The following TNRC6B variants were observed in gnomAD, a reference collection of about 807,000 sequenced individuals.
The protein encoded by TNRC6B is trinucleotide repeat containing adaptor 6B, also known as trinucleotide repeat-containing gene 6B protein.
A neutral mutation model predicts 203.6 loss-of-function variants in TNRC6B; 52 were observed. That is an observed-to-expected ratio of 0.26 (90% CI 0.20 to 0.32). The LOEUF (loss-of-function observed/expected upper bound fraction) is 0.32, where lower values mean the gene tolerates loss of function less well. Ranked by LOEUF, TNRC6B falls within the 10% of genes least tolerant of loss-of-function variation. The pLI, the probability that TNRC6B is intolerant of heterozygous loss-of-function variation, is 1.00. For synonymous variants in TNRC6B, 838 were observed against 845.7 expected (o/e 0.99, Z 0.16); for missense variants, 1,923 against 2,286.2 (o/e 0.84, Z 3.24).
At chr22:40,322,726 A>C (rs1004954351) in intron 22 of TNRC6B, 128 bp from the exon 23 acceptor site, 10 of 1,119,554 alleles carry the variant, frequency 8.9e-6, no homozygotes, top group African/African-American at 3.1e-5. Flanking sequence ...CATTCTAAAA[A>C]GCGTTCATGG....
At chr22:40,230,779 A>G (rs2069859434) in intron 1 of TNRC6B, among the ~76,000 whole-genome samples, 2 of 151,994 alleles carry the variant, frequency 1.3e-5, no homozygotes, top group South Asian at 4.1e-4. Flanking sequence ...TTTATGAATC[A>G]TGTTTTTTGG....
rs2146579040 is a variant in TNRC6B at position 40,321,026 on chromosome 22, T to C, written c.4975-64T>C. On this transcript the variant is annotated intron_variant, in intron 21 of 22. Coordinates refer to ENST00000454349, the MANE Select transcript of TNRC6B (RefSeq NM_001162501.2). ...TAGGTCTCAGCCAGTGCTTTGAATA[T>C]CTTAAAATGTACCTTTTCCACCCCA... The C allele has an allele frequency of 3.1e-6, 5 of 1,591,466 alleles. No homozygotes were observed. The Middle Eastern group carries it at 5.0e-4, about 159-fold the overall frequency.
At chr22:40,224,863 A>T (rs1265620773) in intron 1 of TNRC6B, among the ~76,000 whole-genome samples, 9 of 152,194 alleles carry the variant, frequency 5.9e-5, no homozygotes, top group Non-Finnish European at 1.0e-4. Context: ...CGTGTGCCTC[A>T]TCCCTCTGTT....
chr22:40,063,362 C>A (rs920005828), intron 1 of TNRC6B, among the ~76,000 whole-genome samples: 1 of 152,166 alleles, frequency 6.6e-6, no homozygotes, highest in African/African-American at 2.4e-5. Flanking sequence ...TTTGAGTCCT[C>A]CAACTTTGTT....
intron 1 of TNRC6B, among the ~76,000 whole-genome samples, chr22:40,188,331 G>A (rs1446175092): frequency 6.6e-6 from 1 of 152,204 alleles, no homozygotes; most frequent in African/African-American, 2.4e-5. Context: ...AGTTGACATA[G>A]AGAAGCTTAT....
chr22:40,052,015 A>G (rs2067749947), intron 1 of TNRC6B, among the ~76,000 whole-genome samples: 1 of 152,152 alleles, frequency 6.6e-6, no homozygotes, highest in African/African-American at 2.4e-5. Context: ...GTTGGACAGC[A>G]CAACTCTAAA....
intron 1 of TNRC6B, among the ~76,000 whole-genome samples, chr22:40,223,987 C>T (rs982477131): frequency 6.6e-6 from 1 of 152,086 alleles, no homozygotes; most frequent in Admixed American, 6.6e-5. Context: ...AAAGCGGTAT[C>T]TTGGTGTACT....
chr22:40,261,921 A>C lies in TNRC6B; in HGVS notation c.205A>C (p.Asn69His). ...SPSPPVNGGN[N>H]AKRVAVPNGQ... The stretch of plus-strand genomic sequence containing the variant: ...ATCGCCACCAGTCAATGGTGGCAAC[A>C]ATGCCAAAAGGGTGGCAGTGCCGAA... The change falls in exon 4 of 23, where the codon AAT (asparagine) becomes CAT (histidine). Residue 69 changes from asparagine to histidine, a missense_variant. Around this residue, in one of 8 missense-constraint regions of TNRC6B, gnomAD observed 111 missense variants for 155.3 expected, o/e 0.71. Transcript: ENST00000454349. The C allele has an allele frequency of 1.2e-6, 2 of 1,611,298 alleles. No individual in the cohort carries two copies. Among genetic ancestry groups the C allele is most frequent in the South Asian group, 2.2e-5 (2 of 91,036 alleles).
At chr22:40,200,278 CTTTTTTTT>C (rs59067007) in intron 1 of TNRC6B, among the ~76,000 whole-genome samples, 4 of 75,510 alleles carry the variant, frequency 5.3e-5, no homozygotes, top group African/African-American at 1.6e-4. Context: ...AAGTAATATT[CTTTTTTTT>C]TTTTTTTTTT....
rs1469494416 is a variant in TNRC6B at position 40,325,399 on chromosome 22, C to G, written c.*2158C>G. The G allele has an allele frequency of 6.6e-6, 1 of 152,564 alleles. No homozygotes were observed. Among genetic ancestry groups the G allele is most frequent in the Non-Finnish European group, 1.5e-5 (1 of 68,036 alleles). The allele number at this position is 152,564 out of a possible 1,614,324, so 9.5% of individuals were successfully genotyped here. A position where few individuals can be genotyped will look rare whatever the true frequency, so the allele number is the denominator to read the frequency against. On this transcript the variant is annotated 3_prime_UTR_variant, in exon 23 of 23. Coordinates refer to ENST00000454349, the MANE Select transcript of TNRC6B (RefSeq NM_001162501.2). ...AAATTCTGTAGCCCTTCTGGCTTACCCTGTTGATTATAAACCTAGCCTCAA... is the reference window on the plus strand; with the variant it reads ...AAATTCTGTAGCCCTTCTGGCTTACGCTGTTGATTATAAACCTAGCCTCAA...
At chr22:40,300,382 C>T in intron 12 of TNRC6B, 73 bp from the exon 13 acceptor site, 1 of 1,389,380 alleles carries the variant, frequency 7.2e-7, no homozygotes, top group Non-Finnish European at 9.5e-7. Context: ...ATTCTTTTCA[C>T]AGAAAAACAG....
rs866877904 is a variant in TNRC6B, at chr22:40,121,467, G to C, written c.-46-4305G>C. 1.1e-4 allele frequency among the ~76,000 whole-genome samples: 17 copies of C among 152,320 alleles called. No homozygotes were observed. The Middle Eastern group carries it at 0.017, about 152-fold the overall frequency. On this transcript the variant is annotated intron_variant, in intron 2 of 23. Coordinates refer to the TNRC6B transcript ENST00000301923. ...TGTAGGAAGAAAGTCTGTTTTCCCTGAAGTCTAATCTTTCCTCAGCCATGC... is the reference window on the plus strand; with the variant it reads ...TGTAGGAAGAAAGTCTGTTTTCCCTCAAGTCTAATCTTTCCTCAGCCATGC...
chr22:40,137,126 AG>A (rs2068606704), intron 3 of TNRC6B, among the ~76,000 whole-genome samples: 1 of 152,150 alleles, frequency 6.6e-6, no homozygotes, highest in Non-Finnish European at 1.5e-5. Context: ...GTGTTTTGGT[AG>A]GGGATGCAGA....
In TNRC6B at chr22:40,330,595, C is replaced by G. The variant is rs968475353; in HGVS notation, c.*7354C>G. 3 of 152,668 alleles carry G rather than the reference C, an allele frequency of 2.0e-5. No homozygotes were observed. The highest frequency in any genetic ancestry group is 6.5e-5 in the Admixed American group (1 of 15,286). 9.5% of individuals were successfully genotyped at this position (152,668 alleles called of 1,614,324 possible). ...TAGTATAGTTTCTCACCAAGTGATG[C>G]ATTTTAGCATGACACTTCTTGCCAG... On this transcript the variant is annotated 3_prime_UTR_variant, in exon 23 of 23. Coordinates refer to ENST00000454349, the MANE Select transcript of TNRC6B (RefSeq NM_001162501.2).
chr22:40,131,136 G>C (rs2068540977), intron 3 of TNRC6B, among the ~76,000 whole-genome samples: 1 of 152,176 alleles, frequency 6.6e-6, no homozygotes, highest in South Asian at 2.1e-4. Flanking sequence ...TAGCCAGGAA[G>C]GTCTCGATCT....
rs2071274121 is a variant in TNRC6B at position 40,317,394 on chromosome 22, A to G, written c.4974+1382A>G. On this transcript the variant is annotated intron_variant, in intron 21 of 22. Transcript: ENST00000454349. ...AGAGGTCGAGACCATCCTGGCCAAC[A>G]TGGTGAAACCCCGTCTTTACTGAAA... Among the ~76,000 whole-genome samples the G allele has an allele frequency of 2.6e-5, 4 of 152,316 alleles. No individual in the cohort carries two copies. The South Asian group carries it at 8.3e-4, about 32-fold the overall frequency.
intron 1 of TNRC6B, among the ~76,000 whole-genome samples, chr22:40,080,769 C>T (rs1310096333): frequency 6.6e-6 from 1 of 152,034 alleles, no homozygotes; most frequent in African/African-American, 2.4e-5. Context: ...CAAATTCCTG[C>T]TAGGCTGCAA....
chr22:40,153,891 T>C (rs1248926569), intron 3 of TNRC6B, among the ~76,000 whole-genome samples: 1 of 150,994 alleles, frequency 6.6e-6, no homozygotes, highest in Admixed American at 6.6e-5. Context: ...GTAATTTAAA[T>C]TATAATAAAT....
intron 4 of TNRC6B, among the ~76,000 whole-genome samples, chr22:40,164,503 C>T (rs1337498921): frequency 1.3e-5 from 2 of 149,098 alleles, no homozygotes; most frequent in Non-Finnish European, 3.0e-5. Flanking sequence ...TGGCTCAATG[C>T]CTATAATCCA....
Sources: gnomAD v4.1 joint callset for allele counts (sites outside exome capture counted in the v4.1 genomes callset) on GRCh38, gnomAD v4.1.1 for gene constraint, gnomAD v4.1.1 regional missense constraint, MANE v1.5 for transcripts, NCBI Gene and HGNC (gene_info 2026-07-23, HGNC 2026-07-21) for gene names.